The following NEK11 variants were observed in gnomAD, a reference collection of about 807,000 sequenced individuals.
NEK11 encodes the protein serine/threonine-protein kinase Nek11.
NEK11 carries 72 observed loss-of-function variants against 80.7 expected under a neutral mutation model. The ratio of observed to expected loss-of-function variants is 0.89; its 90% CI spans 0.74 to 1.08. The LOEUF (loss-of-function observed/expected upper bound fraction) is 1.08, where lower values mean the gene tolerates loss of function less well. NEK11 is among the 50% of genes least tolerant of loss of function. The probability of loss-of-function intolerance (pLI) is 0.00; values close to 1 mark genes in which losing one functional copy is unlikely to be tolerated. For synonymous variants in NEK11, 251 were observed against 260.7 expected (o/e 0.96, Z 0.36); for missense variants, 764 against 763.6 (o/e 1.00, Z -0.01).
intron 14 of NEK11, among the ~76,000 whole-genome samples, chr3:131,222,440 A>G (rs1284683021): frequency 6.6e-6 from 1 of 152,194 alleles, no homozygotes; most frequent in East Asian, 1.9e-4. Context: ...AAAGATTATA[A>G]CTTTGGGCTG....
At chr3:131,258,579 A>T (rs2095858319) in intron 16 of NEK11, among the ~76,000 whole-genome samples, 1 of 152,226 alleles carries the variant, frequency 6.6e-6, no homozygotes, top group Non-Finnish European at 1.5e-5. Flanking sequence ...CTGTATCCAC[A>T]TTTAATTACT....
chr3:131,258,793 G>T (rs1046083832), intron 16 of NEK11, among the ~76,000 whole-genome samples: 1 of 151,964 alleles, frequency 6.6e-6, no homozygotes, highest in African/African-American at 2.4e-5. Context: ...CTATCTTCTG[G>T]TATTTATCAT....
At chr3:131,266,388 A>G (rs559609326) in intron 16 of NEK11, among the ~76,000 whole-genome samples, 72 of 152,302 alleles carry the variant, frequency 4.7e-4, no homozygotes, top group African/African-American at 1.7e-3. Context: ...GCTGTGTCCC[A>G]GGGATTCTGG....
At chr3:131,150,850 G>A (rs2089505134) in intron 7 of NEK11, among the ~76,000 whole-genome samples, 1 of 151,776 alleles carries the variant, frequency 6.6e-6, no homozygotes, top group Admixed American at 6.6e-5. Context: ...AAAAATTTAT[G>A]TCTAGGATTT....
chr3:131,131,249 G>T (rs1413442270), intron 5 of NEK11, among the ~76,000 whole-genome samples: 1 of 152,100 alleles, frequency 6.6e-6, no homozygotes, highest in Middle Eastern at 3.2e-3. Context: ...AATGAGTTAG[G>T]GAGTATTTCC....
intron 17 of NEK11, among the ~76,000 whole-genome samples, chr3:131,302,294 CTT>C (rs1210340245): frequency 6.6e-6 from 1 of 151,806 alleles, no homozygotes; most frequent in Admixed American, 6.6e-5. Flanking sequence ...CTTATTTACT[CTT>C]TTAAAAAACC....
At chr3:131,258,847 T>A (rs893682230) in intron 16 of NEK11, among the ~76,000 whole-genome samples, 1 of 152,178 alleles carries the variant, frequency 6.6e-6, no homozygotes, top group African/African-American at 2.4e-5. Context: ...GTTGATCCAC[T>A]TTTTCCCAAC....
intron 17 of NEK11, among the ~76,000 whole-genome samples, chr3:131,278,609 T>G (rs964486166): frequency 6.6e-6 from 1 of 152,114 alleles, no homozygotes; most frequent in Non-Finnish European, 1.5e-5. Context: ...CAGGCCTGGC[T>G]CCATGCTCCC....
chr3:131,201,257 T>G (rs2094215279), intron 14 of NEK11, among the ~76,000 whole-genome samples: 1 of 150,564 alleles, frequency 6.6e-6, no homozygotes, highest in South Asian at 2.1e-4. Context: ...AAGGACGTGC[T>G]TACCATAAAA....
intron 16 of NEK11, among the ~76,000 whole-genome samples, chr3:131,263,332 C>T (rs994642089): frequency 2.6e-5 from 4 of 152,048 alleles, no homozygotes; most frequent in Non-Finnish European, 2.9e-5. Flanking sequence ...AAATCCTTTC[C>T]CCATTTCTTG....
intron 11 of NEK11, among the ~76,000 whole-genome samples, chr3:131,165,024 T>C (rs975185413): frequency 3.3e-5 from 5 of 152,222 alleles, no homozygotes; most frequent in African/African-American, 9.6e-5. Context: ...TATTTCCTCA[T>C]AAATCCTTTG....
intron 14 of NEK11, among the ~76,000 whole-genome samples, chr3:131,180,238 A>C (rs1294823381): frequency 6.6e-6 from 1 of 152,214 alleles, no homozygotes; most frequent in Non-Finnish European, 1.5e-5. Context: ...TGGGAAGTAC[A>C]GTCTTTCCTG....
chr3:131,315,349 G>A (rs1363568590), intron 17 of NEK11, among the ~76,000 whole-genome samples: 2 of 151,846 alleles, frequency 1.3e-5, no homozygotes, highest in Admixed American at 6.6e-5. Context: ...TTTAGATTCC[G>A]ATCATGCAGT....
chr3:131,105,458 A>G (rs779980623), intron 4 of NEK11, among the ~76,000 whole-genome samples: 1 of 152,206 alleles, frequency 6.6e-6, no homozygotes, highest in Non-Finnish European at 1.5e-5. Flanking sequence ...GTATTAGTCC[A>G]TTCTCAATGA....
rs140738120 is a variant in NEK11, at chr3:131,102,965, A to G, written c.337-6838A>G. ...TCTCAGCTTTGATCCTTCTGTTAAT[A>G]CTTTTGATTATATTATGAAATTCTT... On this transcript the variant is annotated intron_variant, in intron 4 of 17. Coordinates refer to ENST00000383366, the MANE Select transcript of NEK11 (RefSeq NM_024800.5). Among the ~76,000 whole-genome samples, 1,163 of 152,274 alleles carry G rather than the reference A, an allele frequency of 7.6e-3. 16 individuals carry two copies. The highest frequency in any genetic ancestry group is 0.026 in the African/African-American group (1,080 of 41,556).
intron 17 of NEK11, among the ~76,000 whole-genome samples, chr3:131,339,126 G>T (rs183929850): frequency 5.3e-5 from 8 of 152,190 alleles, no homozygotes; most frequent in African/African-American, 1.7e-4. Context: ...CCCTGAGAAA[G>T]AATTACTCAT....
At chr3:131,036,203 T>G (rs960000093) in intron 3 of NEK11, among the ~76,000 whole-genome samples, 1 of 152,244 alleles carries the variant, frequency 6.6e-6, no homozygotes. Flanking sequence ...TTTTGTATCA[T>G]GTGCAAGACT....
intron 3 of NEK11, among the ~76,000 whole-genome samples, chr3:131,065,565 C>T (rs959204146): frequency 2.6e-5 from 4 of 152,146 alleles, no homozygotes; most frequent in Non-Finnish European, 5.9e-5. Context: ...TTAGCAGTCA[C>T]ATACTGTTTC....
chr3:131,253,024 A>T (rs1357556128), intron 16 of NEK11, among the ~76,000 whole-genome samples: 1 of 152,192 alleles, frequency 6.6e-6, no homozygotes, highest in Non-Finnish European at 1.5e-5. Context: ...GGCACTGTGC[A>T]TAAGAGTTAC....
Sources: allele counts gnomAD v4.1 joint callset (sites outside exome capture counted in the v4.1 genomes callset), GRCh38; gene constraint gnomAD v4.1.1; transcripts MANE v1.5; gene names NCBI Gene and HGNC (gene_info 2026-07-23, HGNC 2026-07-21).